MYO1E: variants seen among roughly 807,000 people sequenced by gnomAD.
MYO1E encodes myosin IE, also known as unconventional myosin-Ie.
Under a neutral mutation model 151.1 loss-of-function variants are expected in MYO1E, and 68 were observed. The ratio of observed to expected loss-of-function variants is 0.45; its 90% CI spans 0.37 to 0.55. The LOEUF (loss-of-function observed/expected upper bound fraction) is 0.55. Among genes scored for constraint, MYO1E ranks in the 20% least tolerant of loss-of-function variants. The probability of loss-of-function intolerance (pLI) is 0.00; values close to 1 mark genes in which losing one functional copy is unlikely to be tolerated. For synonymous variants in MYO1E, 601 were observed against 501.7 expected, an observed-to-expected ratio of 1.20 and a Z score of -2.64; for missense variants, 1,363 against 1,389.3, an observed-to-expected ratio of 0.98 and a Z score of 0.30.
At chr15:59,273,062 T>A (rs2080297278) in intron 1 of MYO1E, among the ~76,000 whole-genome samples, 1 of 152,212 alleles carries the variant, frequency 6.6e-6, no homozygotes, top group Admixed American at 6.5e-5. Flanking sequence ...AAAGATAGGC[T>A]ACATTTTTAT....
At chr15:59,215,091 T>C (rs1284935900) in intron 10 of MYO1E, among the ~76,000 whole-genome samples, 1 of 152,172 alleles carries the variant, frequency 6.6e-6, no homozygotes, top group African/African-American at 2.4e-5. Flanking sequence ...GATCTGTAAT[T>C]GTCATTTCCA....
intron 5 of MYO1E, among the ~76,000 whole-genome samples, chr15:59,235,517 T>C (rs2080057032): frequency 6.6e-6 from 1 of 152,268 alleles, no homozygotes; most frequent in African/African-American, 2.4e-5. Context: ...TGAAGCCTCA[T>C]TTTTATTGCT....
intron 15 of MYO1E, among the ~76,000 whole-genome samples, chr15:59,204,184 T>C (rs1180875848): frequency 1.3e-5 from 2 of 152,150 alleles, no homozygotes; most frequent in Non-Finnish European, 2.9e-5. Flanking sequence ...ACAAATTGAT[T>C]ATGTATGTTT....
chr15:59,336,085 A>C (rs2080726611), intron 1 of MYO1E, among the ~76,000 whole-genome samples: 1 of 152,146 alleles, frequency 6.6e-6, no homozygotes, highest in African/African-American at 2.4e-5. Flanking sequence ...TTAAAAAAAA[A>C]CTAGGCCGAG....
chr15:59,259,275 G>A (rs921266171), intron 3 of MYO1E, among the ~76,000 whole-genome samples: 3 of 152,192 alleles, frequency 2.0e-5, no homozygotes, highest in African/African-American at 4.8e-5. Flanking sequence ...TTTTTGTAAG[G>A]GTTAGAGTAG....
At chr15:59,223,288 A>T in intron 8 of MYO1E, 97 bp from the exon 9 acceptor site, 6 of 1,399,338 alleles carry the variant, frequency 4.3e-6, no homozygotes, top group Non-Finnish European at 5.0e-6. Context: ...CTAAATAAGG[A>T]TGTGACAAGT....
At chr15:59,344,569 T>C (rs2080783544) in intron 1 of MYO1E, among the ~76,000 whole-genome samples, 2 of 152,236 alleles carry the variant, frequency 1.3e-5, no homozygotes, top group Admixed American at 6.5e-5. Flanking sequence ...TGAAGCCAGC[T>C]AGGCTTGTGT....
intron 1 of MYO1E, chr15:59,359,740 T>G (rs1351929213): frequency 1.3e-5 from 2 of 152,292 alleles, no homozygotes; most frequent in Non-Finnish European, 2.9e-5. Context: ...AATGCTGTCC[T>G]GCACACTGAG....
At chr15:59,162,308 A>G (rs1481322587) in intron 23 of MYO1E, among the ~76,000 whole-genome samples, 1 of 152,310 alleles carries the variant, frequency 6.6e-6, no homozygotes, top group African/African-American at 2.4e-5. Flanking sequence ...GGTCAACAGT[A>G]TGCCAGCCAG....
rs1187867651 is a variant in MYO1E at position 59,159,561 on chromosome 15, T to C, written c.2786-1182A>G. ...TTCACCTCGTTCCTCCCTCTGCTGC[T>C]TCAGGTTTGCGGATAATAATGATTT... On this transcript the variant is annotated intron_variant, in intron 24 of 27. Transcript: ENST00000288235. This position sits in a 1 kb window ranked among gnomAD's most constrained non-coding sequence, Gnocchi z 4.4. Among the ~76,000 whole-genome samples, 1 of 152,226 alleles carries C rather than the reference T, an allele frequency of 6.6e-6. No individual in the cohort carries two copies. Among genetic ancestry groups the C allele is most frequent in the African/African-American group, 2.4e-5 (1 of 41,462 alleles).
At chr15:59,155,592 A>C (rs2079505342) in intron 25 of MYO1E, among the ~76,000 whole-genome samples, 3 of 152,200 alleles carry the variant, frequency 2.0e-5, no homozygotes, top group Non-Finnish European at 4.4e-5. Context: ...TGGCCAACCT[A>C]GCTGAGGCCA....
intron 1 of MYO1E, among the ~76,000 whole-genome samples, chr15:59,294,310 C>T (rs907456679): frequency 1.4e-4 from 22 of 152,144 alleles, no homozygotes; most frequent in African/African-American, 4.8e-4. Flanking sequence ...AGGCAGATAT[C>T]CCTCATTCTC....
chr15:59,168,568 A>G (rs2079574660), intron 22 of MYO1E, among the ~76,000 whole-genome samples: 1 of 152,110 alleles, frequency 6.6e-6, no homozygotes, highest in Non-Finnish European at 1.5e-5. Flanking sequence ...GTAGTATAGA[A>G]TGAACCACCA....
chr15:59,175,835 C>T (rs577556883), intron 19 of MYO1E, among the ~76,000 whole-genome samples: 19 of 152,202 alleles, frequency 1.2e-4, no homozygotes, highest in East Asian at 5.8e-4. Context: ...CTCAAAGATT[C>T]GCTGGATTTT....
intron 16 of MYO1E, among the ~76,000 whole-genome samples, chr15:59,200,739 C>T (rs2079796206): frequency 6.6e-6 from 1 of 152,226 alleles, no homozygotes; most frequent in East Asian, 1.9e-4. Flanking sequence ...ATGCCTCAGG[C>T]ACTGCGTTAC....
At chr15:59,344,443 A>G (rs1253321469) in intron 1 of MYO1E, among the ~76,000 whole-genome samples, 1 of 152,214 alleles carries the variant, frequency 6.6e-6, no homozygotes, top group Non-Finnish European at 1.5e-5. Context: ...GGCCACCACC[A>G]CTGGGGACTG....
intron 1 of MYO1E, among the ~76,000 whole-genome samples, chr15:59,298,235 T>C (rs1204215492): frequency 2.0e-5 from 3 of 152,174 alleles, no homozygotes; most frequent in African/African-American, 4.8e-5. Flanking sequence ...AATCTAGTTA[T>C]TTGGTACCCT....
At chr15:59,193,402 A>G (rs755556835) in intron 17 of MYO1E, among the ~76,000 whole-genome samples, 1 of 152,224 alleles carries the variant, frequency 6.6e-6, no homozygotes, top group South Asian at 2.1e-4. Flanking sequence ...CCTGGGTGTA[A>G]GCATTTTACA....
At chr15:59,201,304 G>T (rs117009230) in intron 16 of MYO1E, among the ~76,000 whole-genome samples, 1 of 151,784 alleles carries the variant, frequency 6.6e-6, no homozygotes, top group Non-Finnish European at 1.5e-5. Flanking sequence ...ATATCGCACA[G>T]GTTGGTCTCG....
Sources: allele counts gnomAD v4.1 joint callset (sites outside exome capture counted in the v4.1 genomes callset), GRCh38; gene constraint gnomAD v4.1.1; non-coding constraint Gnocchi (gnomAD v3.1); transcripts MANE v1.5; gene names NCBI Gene and HGNC (gene_info 2026-07-23, HGNC 2026-07-21).